The following RBM27 variants were observed in gnomAD, a reference collection of about 807,000 sequenced individuals.
The protein encoded by RBM27 is RNA-binding protein 27.
Under a neutral mutation model 135.3 loss-of-function variants are expected in RBM27, and 22 were observed. The observed-to-expected ratio is 0.16, with a 90% CI of 0.12 to 0.23. The LOEUF (loss-of-function observed/expected upper bound fraction) is 0.23, where lower values mean the gene tolerates loss of function less well. Ranked by LOEUF, RBM27 falls within the 10% of genes least tolerant of loss-of-function variation. The pLI is 1.00. For synonymous variants in RBM27, 481 were observed against 442.4 expected (o/e 1.09, Z -1.10); for missense variants, 1,009 against 1,281.0 (o/e 0.79, Z 3.24).
chr5:146,263,930 C>T (rs564605934), intron 14 of RBM27, among the ~76,000 whole-genome samples: 56 of 151,152 alleles, frequency 3.7e-4, no homozygotes, highest in African/African-American at 1.2e-3. Flanking sequence ...AATGGCGAAA[C>T]CCCCTCTCTA....
At chr5:146,279,889 A>C (rs1030153889) in intron 19 of RBM27, among the ~76,000 whole-genome samples, 1 of 152,008 alleles carries the variant, frequency 6.6e-6, no homozygotes, top group African/African-American at 2.4e-5. Context: ...AAAGATAGTC[A>C]CTATTCTTAG....
At position 146,243,040 on chromosome 5, in the gene RBM27, C is replaced by T. The variant is rs538416871; in HGVS notation, c.1279+5608C>T. On this transcript the variant is annotated intron_variant, in intron 8 of 20. Coordinates refer to ENST00000265271, the MANE Select transcript of RBM27 (RefSeq NM_018989.2). Reference sequence around the variant, plus strand: ...CAGCACTTTGAGAGGCTAAGGCAGGCGGATCACCTGAGGTCAGGAGTTTGA... The same window carrying T: ...CAGCACTTTGAGAGGCTAAGGCAGGTGGATCACCTGAGGTCAGGAGTTTGA... Among the ~76,000 whole-genome samples, 516 of 151,940 alleles carry T rather than the reference C, an allele frequency of 3.4e-3. 8 individuals are homozygous for T. Among genetic ancestry groups the T allele is most frequent in the African/African-American group, 0.01 (433 of 41,466 alleles).
At chr5:146,247,781 T>G (rs866460244) in intron 8 of RBM27, among the ~76,000 whole-genome samples, 25 of 152,346 alleles carry the variant, frequency 1.6e-4, no homozygotes, top group South Asian at 8.3e-4. Flanking sequence ...GCTCATGATG[T>G]CTGGTTGTCT....
At chr5:146,262,301 T>A (rs1484800243) in intron 13 of RBM27, among the ~76,000 whole-genome samples, 11 of 151,802 alleles carry the variant, frequency 7.2e-5, no homozygotes, top group Non-Finnish European at 2.9e-5. Context: ...TTTTTTAGAA[T>A]CAGTCTTTTT....
intron 3 of RBM27, among the ~76,000 whole-genome samples, chr5:146,225,934 C>T (rs1289625757): frequency 6.6e-6 from 1 of 151,990 alleles, no homozygotes; most frequent in Non-Finnish European, 1.5e-5. Flanking sequence ...GCGATCTCGG[C>T]CCATTGCAAC....
In RBM27 at chr5:146,284,709, G is replaced by A. The variant is rs751769354; in HGVS notation, c.3076G>A (p.Glu1026Lys). The change falls in exon 20 of 21, where the codon GAA (glutamate) becomes AAA (lysine). Residue 1026 changes from glutamate to lysine, a missense_variant. Glu to Lys is a moderately conservative substitution (Grantham distance 56). Transcript: ENST00000265271. ...GGTACCATCTATATCCACTGAGACT[G>A]AAGAAGAAGAAGTCAAGGAGGAGGT... ...PKVPSISTET[E>K]EEEVKEEETE... is the part of the protein sequence containing the mutation. 7 of 1,604,752 alleles carry A rather than the reference G, an allele frequency of 4.4e-6. No homozygotes were observed. The East Asian group carries it at 1.3e-4, about 31-fold the overall frequency.
intron 8 of RBM27, among the ~76,000 whole-genome samples, chr5:146,238,503 G>A (rs566225883): frequency 1.4e-4 from 22 of 152,240 alleles, no homozygotes; most frequent in South Asian, 4.1e-4. Context: ...GCAAAACTCC[G>A]TCTCAGAAAA....
intron 3 of RBM27, among the ~76,000 whole-genome samples, chr5:146,224,885 A>T (rs1234855394): frequency 1.3e-5 from 2 of 151,898 alleles, no homozygotes; most frequent in Non-Finnish European, 2.9e-5. Context: ...GCTCTCTTTA[A>T]ATATCCATAT....
intron 14 of RBM27, 28 bp from the exon 15 acceptor site, chr5:146,267,621 G>A (rs764571417): frequency 2.2e-6 from 3 of 1,370,032 alleles, no homozygotes; most frequent in East Asian, 2.3e-5. Context: ...ATATTTGTGT[G>A]TGCTTTTTTT....
Position 146,230,916 on chromosome 5 carries a change from T to G in RBM27, c.849T>G (p.Asp283Glu). The G allele has an allele frequency of 6.2e-7, 1 of 1,613,618 alleles. No individual in the cohort carries two copies. Among genetic ancestry groups the G allele is most frequent in the Non-Finnish European group, 8.5e-7 (1 of 1,179,560 alleles). The part of the protein sequence containing the change: ...LPPKRRCRDY[D>E]ERGFCVLGDL... ...CAAAGAGGCGATGCAGAGATTATGA[T>G]GGTAAAAATCACCACCTTTTCTCAT... Residue 283 changes from aspartate to glutamate, a missense_variant and splice_region_variant, in exon 6 of 21, where the codon GAT (aspartate) becomes GAG (glutamate). Transcript: ENST00000265271.
chr5:146,232,195 G>T (rs1213799172), intron 6 of RBM27, among the ~76,000 whole-genome samples: 1 of 152,058 alleles, frequency 6.6e-6, no homozygotes, highest in Non-Finnish European at 1.5e-5. Flanking sequence ...TTTCAAGCAA[G>T]TCACAGACAT....
At chr5:146,250,486 C>T (rs1757835297) in intron 8 of RBM27, among the ~76,000 whole-genome samples, 1 of 150,604 alleles carries the variant, frequency 6.6e-6, no homozygotes, top group South Asian at 2.1e-4. Flanking sequence ...TAGTAAATGT[C>T]TGATGTTGGA....
At chr5:146,265,196 A>T (rs1758563996) in intron 14 of RBM27, among the ~76,000 whole-genome samples, 1 of 152,184 alleles carries the variant, frequency 6.6e-6, no homozygotes. Context: ...AACAACCCAA[A>T]TACCCATCTG....
chr5:146,219,766 T>C (rs547426543), intron 2 of RBM27, among the ~76,000 whole-genome samples: 1 of 152,330 alleles, frequency 6.6e-6, no homozygotes, highest in Non-Finnish European at 1.5e-5. Flanking sequence ...TCTTCAAATG[T>C]CATCTTCTGA....
intron 8 of RBM27, among the ~76,000 whole-genome samples, chr5:146,249,089 C>A (rs926580917): frequency 6.6e-6 from 1 of 152,074 alleles, no homozygotes; most frequent in Non-Finnish European, 1.5e-5. Context: ...TCAAGTGATC[C>A]TCCTGCCCTA....
intron 6 of RBM27, among the ~76,000 whole-genome samples, chr5:146,232,491 G>A (rs939124697): frequency 6.6e-6 from 1 of 152,056 alleles, no homozygotes; most frequent in African/African-American, 2.4e-5. Context: ...TTTTCAGTTA[G>A]CAGTATTTCC....
chr5:146,229,876 G>A lies in RBM27; in HGVS notation c.555G>A (p.Gly185=). ...GLSRSRSRSR[G]RSKDRDPNRN... is the part of the protein sequence containing the mutation. ...GTCGCAGTAGAAGCCGAAGTAGGGG[G>A]CGCAGCAAAGACCGGGATCCAAATA... The change falls in exon 5 of 21, where the codon GGG becomes GGA. Residue 185 remains glycine, a synonymous_variant. Coordinates refer to ENST00000265271, the MANE Select transcript of RBM27 (RefSeq NM_018989.2). 1.2e-6 allele frequency: 2 copies of A among 1,613,930 alleles called. No homozygotes were observed. Among genetic ancestry groups the A allele is most frequent in the Non-Finnish European group, 1.7e-6 (2 of 1,179,894 alleles).
At chr5:146,207,177 C>A (rs1269954330) in intron 1 of RBM27, among the ~76,000 whole-genome samples, 7 of 152,228 alleles carry the variant, frequency 4.6e-5, no homozygotes, top group African/African-American at 1.7e-4. Flanking sequence ...TATAGTTGCA[C>A]CGGCTAGGTT....
Position 146,219,069 on chromosome 5 carries a change from T to C in RBM27, c.144T>C (p.Phe48=), listed in dbSNP as rs537812760. 5 of 1,612,892 alleles carry C rather than the reference T, an allele frequency of 3.1e-6. No homozygotes were observed. The South Asian group carries it at 5.5e-5, about 18-fold the overall frequency. ...AACCTGAGAAAGAATTAAAAGCCTT[T>C]TGTGCTGATCAACTTGATGTCTTTT... is the stretch of plus-strand genomic sequence containing the variant. ...KDKPEKELKA[F]CADQLDVFLQ... The change falls in exon 2 of 21, where the codon TTT becomes TTC. Residue 48 remains phenylalanine (F), a synonymous_variant. Transcript: ENST00000265271.
Sources: gnomAD v4.1 joint callset for allele counts (sites outside exome capture counted in the v4.1 genomes callset) on GRCh38, gnomAD v4.1.1 for gene constraint, MANE v1.5 for transcripts, NCBI Gene and HGNC (gene_info 2026-07-23, HGNC 2026-07-21) for gene names.